Variants in LSAMP observed in about 807,000 individuals in gnomAD.
LSAMP encodes the protein limbic system associated membrane protein.
LSAMP carries 7 observed loss-of-function variants against 38.6 expected under a neutral mutation model. The observed-to-expected ratio is 0.18, with a 90% CI of 0.10 to 0.34. The LOEUF (loss-of-function observed/expected upper bound fraction) is 0.34. Among genes scored for constraint, LSAMP ranks in the 10% least tolerant of loss-of-function variants. LSAMP has a pLI of 1.00. For synonymous variants in LSAMP, 154 were observed against 166.8 expected, an observed-to-expected ratio of 0.92 and a Z score of 0.59; for missense variants, 313 against 420.0, an observed-to-expected ratio of 0.75 and a Z score of 2.23.
intron 3 of LSAMP, among the ~76,000 whole-genome samples, chr3:116,009,865 A>G (rs1940275066): frequency 6.6e-6 from 1 of 152,110 alleles, no homozygotes; most frequent in African/African-American, 2.4e-5. Flanking sequence ...TAAAGAAAAA[A>G]AAAATCCTTT....
chr3:116,138,922 A>C (rs1268253857), intron 1 of LSAMP, among the ~76,000 whole-genome samples: 1 of 151,752 alleles, frequency 6.6e-6, no homozygotes, highest in African/African-American at 2.4e-5. Flanking sequence ...ATTTTCAGTA[A>C]GAATCCACCA....
In LSAMP at chr3:116,134,854, A is replaced by G. The variant is rs1246666375; in HGVS notation, c.156-48298T>C. ...AGTGTCTCCCTCTAGGAGGTACTCA[A>G]TAAATACTGCTGTGTACATGAATAA... is the stretch of plus-strand genomic sequence containing the variant. On this transcript the variant is annotated intron_variant, in intron 1 of 6. Transcript: ENST00000490035. Among the ~76,000 whole-genome samples the G allele has an allele frequency of 2.6e-5, 4 of 152,310 alleles. No individual in the cohort carries two copies. The East Asian group carries it at 7.7e-4, about 29-fold the overall frequency.
chr3:116,092,207 C>T lies in LSAMP; in HGVS notation c.156-5651G>A, dbSNP rs141000730. ...ATATTCATTAATTATCTAATAGGTA[C>T]AGTAAAGATGGATAACTATTTTAAT... On this transcript the variant is annotated intron_variant, in intron 1 of 6. Transcript: ENST00000490035. Among the ~76,000 whole-genome samples, 292 of 151,846 alleles carry T rather than the reference C, an allele frequency of 1.9e-3. 2 individuals are homozygous for T. Among genetic ancestry groups the T allele is most frequent in the African/African-American group, 6.7e-3 (279 of 41,408 alleles).
chr3:116,210,248 G>A (rs1276953200), intron 1 of LSAMP, among the ~76,000 whole-genome samples: 3 of 152,142 alleles, frequency 2.0e-5, no homozygotes, highest in African/African-American at 4.8e-5. Flanking sequence ...TTGTTCCTGG[G>A]TGTGTCTGTG....
At chr3:116,314,730 G>A (rs1352968780) in intron 1 of LSAMP, among the ~76,000 whole-genome samples, 1 of 152,068 alleles carries the variant, frequency 6.6e-6, no homozygotes, top group African/African-American at 2.4e-5. Flanking sequence ...GTGCTTAGCT[G>A]GACCATTAGT....
chr3:116,203,505 C>T (rs909047920), intron 1 of LSAMP, among the ~76,000 whole-genome samples: 20 of 150,886 alleles, frequency 1.3e-4, no homozygotes, highest in African/African-American at 3.4e-4. Context: ...CCCACTAACT[C>T]GTCATCTAGC....
intron 1 of LSAMP, among the ~76,000 whole-genome samples, chr3:116,233,164 G>A (rs758543929): frequency 5.9e-4 from 90 of 152,026 alleles, no homozygotes; most frequent in Non-Finnish European, 1.1e-3. Flanking sequence ...AAGAAATGAT[G>A]GCACTTTGGG....
intron 1 of LSAMP, among the ~76,000 whole-genome samples, chr3:116,381,156 T>G (rs1391109614): frequency 1.3e-5 from 2 of 152,080 alleles, no homozygotes; most frequent in African/African-American, 4.8e-5. Context: ...TTAATCTAGA[T>G]CTAATAAATT....
At chr3:116,208,780 G>C (rs1223330105) in intron 1 of LSAMP, among the ~76,000 whole-genome samples, 6 of 152,162 alleles carry the variant, frequency 3.9e-5, no homozygotes, top group African/African-American at 1.4e-4. Context: ...GCTGCGTGCT[G>C]GGAGAACCAC....
At chr3:116,294,614 G>C (rs1167823282) in intron 1 of LSAMP, among the ~76,000 whole-genome samples, 1 of 151,980 alleles carries the variant, frequency 6.6e-6, no homozygotes, top group African/African-American at 2.4e-5. Context: ...GTTTCCTATT[G>C]TGCCTCAAAA....
intron 1 of LSAMP, among the ~76,000 whole-genome samples, chr3:116,205,229 T>C (rs1260274385): frequency 8.7e-5 from 13 of 149,000 alleles, no homozygotes; most frequent in African/African-American, 3.2e-4. Flanking sequence ...ATAAGAATGC[T>C]TGTGATTTTT....
intron 1 of LSAMP, among the ~76,000 whole-genome samples, chr3:116,382,892 T>C (rs553814973): frequency 6.6e-6 from 1 of 152,192 alleles, no homozygotes; most frequent in East Asian, 1.9e-4. Context: ...ATATCTTCTG[T>C]AAACACACAC....
At chr3:116,372,289 G>T (rs961794211) in intron 1 of LSAMP, among the ~76,000 whole-genome samples, 1 of 151,872 alleles carries the variant, frequency 6.6e-6, no homozygotes, top group East Asian at 1.9e-4. Context: ...AATAATTTTC[G>T]ACAAGGGTAC....
chr3:116,328,913 T>C (rs925076414), intron 1 of LSAMP, among the ~76,000 whole-genome samples: 2 of 152,158 alleles, frequency 1.3e-5, no homozygotes, highest in Admixed American at 1.3e-4. Flanking sequence ...GACCATAGCT[T>C]GATGTATGTG....
chr3:116,376,876 C>T (rs1392405921), intron 1 of LSAMP, among the ~76,000 whole-genome samples: 1 of 152,046 alleles, frequency 6.6e-6, no homozygotes, highest in Non-Finnish European at 1.5e-5. Context: ...TAAATCCCAA[C>T]TCGTAACTCT....
At chr3:116,437,649 A>C (rs1457024429) in intron 1 of LSAMP, among the ~76,000 whole-genome samples, 1 of 151,002 alleles carries the variant, frequency 6.6e-6, no homozygotes, top group African/African-American at 2.4e-5. Flanking sequence ...GAAGAATTGG[A>C]GGGAGGAGGA....
intron 6 of LSAMP, among the ~76,000 whole-genome samples, chr3:115,825,604 A>G (rs767979355): frequency 6.6e-6 from 1 of 152,160 alleles, no homozygotes; most frequent in Non-Finnish European, 1.5e-5. Context: ...CATAATATCC[A>G]TGTGTGACCA....
intron 1 of LSAMP, among the ~76,000 whole-genome samples, chr3:116,327,928 C>T (rs1222016669): frequency 6.6e-6 from 1 of 152,066 alleles, no homozygotes; most frequent in African/African-American, 2.4e-5. Context: ...GGTCAGGACT[C>T]CTGATGGATG....
chr3:115,992,170 T>C (rs1049559160), intron 3 of LSAMP, among the ~76,000 whole-genome samples: 2 of 152,084 alleles, frequency 1.3e-5, no homozygotes, highest in African/African-American at 4.8e-5. Context: ...GGATTGTTAT[T>C]GCCAGATGAG....
Sources: gnomAD v4.1 joint callset for allele counts (sites outside exome capture counted in the v4.1 genomes callset) on GRCh38, gnomAD v4.1.1 for gene constraint, MANE v1.5 for transcripts, NCBI Gene and HGNC (gene_info 2026-07-23, HGNC 2026-07-21) for gene names.